The following ZC3H12B variants were observed in gnomAD, a reference collection of about 807,000 sequenced individuals.
ZC3H12B encodes probable ribonuclease ZC3H12B.
Under a neutral mutation model 43.9 loss-of-function variants are expected in ZC3H12B, and 7 were observed. The observed-to-expected ratio is 0.16, with a 90% CI of 0.09 to 0.30. ZC3H12B has a LOEUF of 0.30. ZC3H12B is among the 10% of genes least tolerant of loss of function. The pLI is 1.00. For missense variants in ZC3H12B, 475 were observed against 670.2 expected (o/e 0.71, Z 3.22); for synonymous variants, 222 against 241.7 (o/e 0.92, Z 0.76).
chrX:65,171,475 G>T, the ZC3H12B span, among the ~76,000 whole-genome samples: 1 of 111,249 alleles, frequency 9.0e-6, no homozygotes, highest in Non-Finnish European at 1.9e-5. Flanking sequence ...TATAAGTTAG[G>T]CTACTCGGGG....
At chrX:65,429,762 A>T (rs1454203673) in intron 3 of ZC3H12B, among the ~76,000 whole-genome samples, 2 of 112,329 alleles carry the variant, frequency 1.8e-5, no homozygotes, top group Non-Finnish European at 3.8e-5. Context: ...GGTCCCATTC[A>T]GTGAAGAGGA....
At chrX:65,299,830 G>T in the ZC3H12B span, among the ~76,000 whole-genome samples, 1 of 112,475 alleles carries the variant, frequency 8.9e-6, no homozygotes. Context: ...AAAAAACTGT[G>T]AGTGCCCAAA....
intron 3 of ZC3H12B, among the ~76,000 whole-genome samples, chrX:65,454,244 GAC>G (rs1187493771): frequency 1.8e-5 from 2 of 112,262 alleles, no homozygotes; most frequent in African/African-American, 6.5e-5. Flanking sequence ...TCCTAGGGGT[GAC>G]AGACAGCACC....
the ZC3H12B span, among the ~76,000 whole-genome samples, chrX:65,354,408 G>A: frequency 2.7e-5 from 3 of 111,869 alleles, no homozygotes; most frequent in South Asian, 7.4e-4. Context: ...GAAAGTAATA[G>A]CATCAACATC....
At chrX:65,239,067 T>G in the ZC3H12B span, among the ~76,000 whole-genome samples, 1 of 112,206 alleles carries the variant, frequency 8.9e-6, no homozygotes, top group African/African-American at 3.2e-5. Flanking sequence ...CTGTTGTTTT[T>G]GGGTAGAGAG....
At chrX:65,059,219 A>ACCACCCC in the ZC3H12B span, among the ~76,000 whole-genome samples, 1 of 38,470 alleles carries the variant, frequency 2.6e-5, no homozygotes, top group Non-Finnish European at 4.9e-5. Context: ...TCTTGGAACC[A>ACCACCCC]CCCCCCCCCC....
chrX:65,169,150 T>A, the ZC3H12B span, among the ~76,000 whole-genome samples: 1 of 111,986 alleles, frequency 8.9e-6, no homozygotes, highest in African/African-American at 3.2e-5. Flanking sequence ...TGATCTTTCC[T>A]GCTTTCTCTC....
the ZC3H12B span, among the ~76,000 whole-genome samples, chrX:65,126,164 C>T: frequency 9.2e-6 from 1 of 108,597 alleles, no homozygotes; most frequent in African/African-American, 3.4e-5. Flanking sequence ...TTTAGCAGTT[C>T]TTGTAGTGCT....
exon 5 of ZC3H12B, chrX:65,502,414 G>C (rs1046358813): frequency 1.7e-6 from 2 of 1,211,084 alleles, no homozygotes; most frequent in East Asian, 3.0e-5. Context: ...AAGTAGACCG[G>C]GGGGTGTATG....
the ZC3H12B span, among the ~76,000 whole-genome samples, chrX:65,121,825 A>C: frequency 9.1e-6 from 1 of 110,031 alleles, no homozygotes; most frequent in Non-Finnish European, 1.9e-5. Flanking sequence ...TGTGTCCCAG[A>C]GATTCTAGTA....
chrX:65,457,377 G>A (rs1194160391), intron 3 of ZC3H12B, among the ~76,000 whole-genome samples: 10 of 53,330 alleles, frequency 1.9e-4, no homozygotes, highest in South Asian at 1.1e-3. Context: ...GCCTCTGCCC[G>A]GCCGCCCCTA....
At chrX:65,249,998 T>A in the ZC3H12B span, among the ~76,000 whole-genome samples, 1 of 110,355 alleles carries the variant, frequency 9.1e-6, no homozygotes, top group African/African-American at 3.3e-5. Flanking sequence ...GCAGGTTTGT[T>A]ACATATGTAT....
chrX:65,448,058 C>A (rs1457178043), intron 3 of ZC3H12B, among the ~76,000 whole-genome samples: 1 of 110,594 alleles, frequency 9.0e-6, no homozygotes, highest in East Asian at 2.9e-4. Flanking sequence ...CAGTGAAACC[C>A]CGTCTCTACT....
chrX:65,241,596 C>G, the ZC3H12B span, among the ~76,000 whole-genome samples: 1 of 111,700 alleles, frequency 9.0e-6, no homozygotes, highest in African/African-American at 3.3e-5. Flanking sequence ...TGGCCATGAT[C>G]TGGCACAGCA....
chrX:65,125,063 G>A, the ZC3H12B span, among the ~76,000 whole-genome samples: 1 of 109,852 alleles, frequency 9.1e-6, no homozygotes, highest in Non-Finnish European at 1.9e-5. Context: ...AATTTTTTGA[G>A]GTGTGACCTT....
chrX:65,281,597 G>A, the ZC3H12B span, among the ~76,000 whole-genome samples: 1 of 112,239 alleles, frequency 8.9e-6, no homozygotes, highest in Non-Finnish European at 1.9e-5. Flanking sequence ...TTTGGTAAAA[G>A]ATGCTGGAAA....
At chrX:65,287,269 G>A in the ZC3H12B span, among the ~76,000 whole-genome samples, 2 of 111,575 alleles carry the variant, frequency 1.8e-5, no homozygotes, top group African/African-American at 3.3e-5. Flanking sequence ...ATTCTTTAGG[G>A]TAGATAATAT....
chrX:65,193,610 AT>A, the ZC3H12B span, among the ~76,000 whole-genome samples: 2 of 110,319 alleles, frequency 1.8e-5, no homozygotes, highest in Non-Finnish European at 3.8e-5. Flanking sequence ...TGTGTTGTTG[AT>A]TTTTTTATCT....
chrX:65,499,066 A>C (rs769706456), exon 3 of ZC3H12B: 1 of 1,211,742 alleles, frequency 8.3e-7, no homozygotes, highest in South Asian at 1.8e-5. Flanking sequence ...GAAGAGTCCA[A>C]GGCAGGAGGG....
Sources: allele counts gnomAD v4.1 joint callset (sites outside exome capture counted in the v4.1 genomes callset), GRCh38; gene constraint gnomAD v4.1.1; transcripts MANE v1.5; gene names NCBI Gene and HGNC (gene_info 2026-07-23, HGNC 2026-07-21).